The following NAALADL2 variants were observed in gnomAD, a reference collection of about 807,000 sequenced individuals.
The protein encoded by NAALADL2 is N-acetylated alpha-linked acidic dipeptidase like 2, also known as inactive N-acetylated-alpha-linked acidic dipeptidase-like protein 2.
NAALADL2 carries 76 observed loss-of-function variants against 87.2 expected under a neutral mutation model. The ratio of observed to expected loss-of-function variants is 0.87; its 90% confidence interval spans 0.72 to 1.05. NAALADL2 has a LOEUF of 1.05. Ranked by LOEUF, NAALADL2 falls within the 50% of genes least tolerant of loss-of-function variation. The probability of loss-of-function intolerance (pLI) is 0.00; values close to 1 mark genes in which losing one functional copy is unlikely to be tolerated. For missense variants in NAALADL2, 1,089 were observed against 945.8 expected (o/e 1.15, Z -1.99); for synonymous variants, 354 against 331.0 (o/e 1.07, Z -0.75).
intron 2 of NAALADL2, among the ~76,000 whole-genome samples, chr3:175,173,633 C>G (rs942547874): frequency 1.3e-5 from 2 of 152,210 alleles, no homozygotes; most frequent in Non-Finnish European, 2.9e-5. Flanking sequence ...GGGCCATCTA[C>G]TGGTGTCCTA....
intron 3 of NAALADL2, among the ~76,000 whole-genome samples, chr3:174,838,707 A>G (rs1430080910): frequency 6.6e-6 from 1 of 152,234 alleles, no homozygotes; most frequent in Non-Finnish European, 1.5e-5. Context: ...ATAGCGACCA[A>G]TTGGAGAATC....
intron 2 of NAALADL2, among the ~76,000 whole-genome samples, chr3:174,632,223 G>A (rs1722183982): frequency 6.6e-6 from 1 of 152,100 alleles, no homozygotes; most frequent in South Asian, 2.1e-4. Context: ...TTAATACTAT[G>A]TTAAAGGATT....
intron 1 of NAALADL2, among the ~76,000 whole-genome samples, chr3:175,087,911 T>TAA (rs776102478): frequency 1.6e-4 from 22 of 134,422 alleles, no homozygotes; most frequent in African/African-American, 5.1e-4. Context: ...CAATAAATAC[T>TAA]AAAAAAAAAA....
chr3:175,036,513 C>T, intron 1 of NAALADL2, among the ~76,000 whole-genome samples: 1 of 151,882 alleles, frequency 6.6e-6, no homozygotes. Context: ...TATTCTCCTG[C>T]CTCAGCCTCC....
intron 3 of NAALADL2, among the ~76,000 whole-genome samples, chr3:175,247,946 A>G (rs1351289369): frequency 6.6e-6 from 1 of 152,200 alleles, no homozygotes; most frequent in Non-Finnish European, 1.5e-5. Flanking sequence ...ACTAATGAGG[A>G]CACTGAGATC....
intron 1 of NAALADL2, among the ~76,000 whole-genome samples, chr3:174,869,323 G>GT (rs143249447): frequency 0.021 from 3,149 of 152,202 alleles, 117 homozygotes; most frequent in African/African-American, 0.071. Flanking sequence ...AAAAGAGGTA[G>GT]TTACACCAAA....
chr3:175,537,114 T>C (rs1309264919), intron 9 of NAALADL2, among the ~76,000 whole-genome samples: 1 of 152,204 alleles, frequency 6.6e-6, no homozygotes, highest in Admixed American at 6.5e-5. Context: ...TTATTATCCT[T>C]TTAGAGAAGA....
At chr3:175,199,431 T>A (rs915481812) in intron 2 of NAALADL2, among the ~76,000 whole-genome samples, 62 of 152,236 alleles carry the variant, frequency 4.1e-4, no homozygotes, top group African/African-American at 1.4e-3. Flanking sequence ...ATTTTCATAC[T>A]GTGCTAGGTT....
rs188312315 is a variant in NAALADL2, at chr3:175,459,211, A to G, written c.1235-4190A>G. Among the ~76,000 whole-genome samples the G allele has an allele frequency of 3.3e-5, 5 of 152,298 alleles. No homozygotes were observed. The East Asian group carries it at 9.6e-4, about 29-fold the overall frequency. On this transcript the variant is annotated intron_variant, in intron 6 of 13. Transcript: ENST00000454872. The stretch of plus-strand genomic sequence containing the variant: ...AATAAGGATTAAAGTTAAACTCAAA[A>G]AGAGAATAAAATATGTTAGCAATAT...
chr3:174,802,010 CA>C (rs1718893800), intron 3 of NAALADL2, among the ~76,000 whole-genome samples: 1 of 152,026 alleles, frequency 6.6e-6, no homozygotes, highest in Non-Finnish European at 1.5e-5. Context: ...TTTTTACCCA[CA>C]TTTTAAAAAT....
intron 4 of NAALADL2, among the ~76,000 whole-genome samples, chr3:175,319,096 G>A (rs1759518164): frequency 6.6e-6 from 1 of 152,192 alleles, no homozygotes; most frequent in Non-Finnish European, 1.5e-5. Context: ...CATGGGTGGG[G>A]GTGAGGATTT....
intron 5 of NAALADL2, among the ~76,000 whole-genome samples, chr3:175,402,354 C>T (rs1306276337): frequency 1.3e-5 from 2 of 151,978 alleles, no homozygotes; most frequent in Non-Finnish European, 2.9e-5. Context: ...TTCTTTGGGC[C>T]AAGCAGACTG....
chr3:174,920,700 A>G (rs1306921185), intron 1 of NAALADL2, among the ~76,000 whole-genome samples: 1 of 152,164 alleles, frequency 6.6e-6, no homozygotes, highest in Non-Finnish European at 1.5e-5. Context: ...TTGCATTCCC[A>G]TCTTAGCTAA....
intron 2 of NAALADL2, among the ~76,000 whole-genome samples, chr3:174,666,587 G>A (rs1216761995): frequency 6.6e-6 from 1 of 152,162 alleles, no homozygotes; most frequent in South Asian, 2.1e-4. Context: ...AACAGTGCAT[G>A]CAACCAGCCA....
At chr3:175,527,832 CCATA>C (rs1302433545) in intron 9 of NAALADL2, among the ~76,000 whole-genome samples, 1 of 152,102 alleles carries the variant, frequency 6.6e-6, no homozygotes, top group Non-Finnish European at 1.5e-5. Flanking sequence ...ATACACATTG[CCATA>C]CATTTGAAAA....
chr3:175,502,927 T>TC (rs1729757985), intron 9 of NAALADL2, among the ~76,000 whole-genome samples: 2 of 62,402 alleles, frequency 3.2e-5, no homozygotes, highest in South Asian at 4.4e-4. Context: ...TTTTTTTCTC[T>TC]TTTTTTTTTT....
intron 9 of NAALADL2, among the ~76,000 whole-genome samples, chr3:175,556,819 T>C (rs79686581): frequency 0.045 from 6,858 of 152,254 alleles, 365 homozygotes; most frequent in African/African-American, 0.13. Flanking sequence ...TATTTATTGG[T>C]GTTAACATTA....
At chr3:174,806,665 A>C (rs1719540764) in intron 3 of NAALADL2, among the ~76,000 whole-genome samples, 1 of 152,240 alleles carries the variant, frequency 6.6e-6, no homozygotes, top group Admixed American at 6.5e-5. Flanking sequence ...ATGTGATTCA[A>C]AACTAGGATT....
intron 10 of NAALADL2, among the ~76,000 whole-genome samples, chr3:175,625,784 A>C (rs916476532): frequency 2.6e-5 from 4 of 151,926 alleles, no homozygotes; most frequent in Non-Finnish European, 4.4e-5. Context: ...ATTTGTAAAG[A>C]GGGAGTAATA....
Sources: allele counts gnomAD v4.1 joint callset (sites outside exome capture counted in the v4.1 genomes callset), GRCh38; gene constraint gnomAD v4.1.1; transcripts MANE v1.5; gene names NCBI Gene and HGNC (gene_info 2026-07-23, HGNC 2026-07-21).